The following SLC9A8 variants were observed in gnomAD, a reference collection of about 807,000 sequenced individuals.
The protein encoded by SLC9A8 is sodium/hydrogen exchanger 8.
Under a neutral mutation model 66.6 loss-of-function variants are expected in SLC9A8, and 48 were observed. The observed-to-expected ratio is 0.72, with a 90% CI of 0.57 to 0.92. The LOEUF is 0.92. SLC9A8 is among the 40% of genes least tolerant of loss of function. The pLI, the probability that SLC9A8 is intolerant of heterozygous loss-of-function variation, is 0.00. For synonymous variants in SLC9A8, 274 were observed against 282.6 expected, an observed-to-expected ratio of 0.97 and a Z score of 0.31; for missense variants, 599 against 747.3, an observed-to-expected ratio of 0.80 and a Z score of 2.31.
intron 13 of SLC9A8, among the ~76,000 whole-genome samples, 177 bp downstream of exon 13, chr20:49,881,212 G>A (rs569071967): frequency 2.5e-4 from 38 of 152,306 alleles, no homozygotes; most frequent in Admixed American, 1.8e-3. Flanking sequence ...CTATGAAGTG[G>A]GTGAGGCTTG....
In SLC9A8 at chr20:49,888,482, C is replaced by T. The variant is rs2089970758; in HGVS notation, c.*546C>T. On this transcript the variant is annotated 3_prime_UTR_variant, in exon 16 of 16. Transcript: ENST00000361573. Reference sequence around the variant, plus strand: ...TTTTGTGATACTTCCTGTGCTCCCTCAGAGAGAAACGGAGTGACCTTTTGT... The same window carrying T: ...TTTTGTGATACTTCCTGTGCTCCCTTAGAGAGAAACGGAGTGACCTTTTGT... 6.2e-6 allele frequency: 1 copy of T among 160,432 alleles called. No homozygotes were observed. Among genetic ancestry groups the T allele is most frequent in the Admixed American group, 5.8e-5 (1 of 17,198 alleles). The allele number at this position is 160,432 out of a possible 1,614,324, so 9.9% of individuals were successfully genotyped here. A position where few individuals can be genotyped will look rare whatever the true frequency, so the allele number is the denominator to read the frequency against.
chr20:49,872,129 C>G (rs1186625983), intron 10 of SLC9A8, among the ~76,000 whole-genome samples: 1 of 152,112 alleles, frequency 6.6e-6, no homozygotes, highest in Non-Finnish European at 1.5e-5. Context: ...CAAAGGAAAA[C>G]AACAACAAAA....
chr20:49,861,722 C>T (rs1306279847), intron 8 of SLC9A8, among the ~76,000 whole-genome samples: 1 of 152,150 alleles, frequency 6.6e-6, no homozygotes, highest in African/African-American at 2.4e-5. Context: ...GAGAATAACT[C>T]GATGTTCATG....
chr20:49,824,727 T>C (rs2086855333), intron 3 of SLC9A8, among the ~76,000 whole-genome samples: 1 of 152,170 alleles, frequency 6.6e-6, no homozygotes, highest in African/African-American at 2.4e-5. Flanking sequence ...CCCTTCTTCC[T>C]TGAAAATAGA....
At chr20:49,822,974 C>T (rs929041627) in intron 2 of SLC9A8, 87 bp from the exon 3 acceptor site, 4 of 1,107,312 alleles carry the variant, frequency 3.6e-6, no homozygotes, top group Non-Finnish European at 5.5e-6. Flanking sequence ...AGGACCCCCC[C>T]AGAAATAACC....
chr20:49,864,112 A>G (rs2088864297), intron 9 of SLC9A8, among the ~76,000 whole-genome samples: 4 of 152,156 alleles, frequency 2.6e-5, no homozygotes, highest in Admixed American at 6.5e-5. Flanking sequence ...AAGTGGAGCA[A>G]ATGGGTACTG....
chr20:49,829,393 C>T (rs1168509783), intron 3 of SLC9A8, among the ~76,000 whole-genome samples: 2 of 151,450 alleles, frequency 1.3e-5, no homozygotes, highest in Non-Finnish European at 2.9e-5. Context: ...GGCGTGGTGG[C>T]GGGCGTCTAG....
intron 3 of SLC9A8, among the ~76,000 whole-genome samples, chr20:49,838,218 G>T (rs1342098508): frequency 6.6e-6 from 1 of 152,180 alleles, no homozygotes; most frequent in Non-Finnish European, 1.5e-5. Context: ...AGTGGGGTAT[G>T]ATCTAAAGGG....
intron 12 of SLC9A8, 100 bp downstream of exon 12, chr20:49,878,163 C>G: frequency 1.6e-6 from 1 of 633,782 alleles, no homozygotes; most frequent in East Asian, 3.1e-5. Context: ...TGTTCAAAGT[C>G]AACAGCTACA....
Position 49,815,114 on chromosome 20 carries a change from G to A in SLC9A8, c.133G>A (p.Val45Met), listed in dbSNP as rs763423190. ...GACCCCTGGCAAGCCCATCCTCCCC[G>A]TGCAGACAGGGGAGCAGGCCCAGCA... is the stretch of plus-strand genomic sequence containing the variant. ...LPTPGKPILP[V>M]QTGEQAQQEE... Residue 45 changes from valine (V) to methionine (M), a missense_variant, in exon 2 of 16, where the codon GTG becomes ATG. Physicochemically the swap from Val to Met is conservative, Grantham distance 21. This residue lies in a region of SLC9A8 where 132 missense variants were observed against 120.9 expected (regional missense o/e 1.09). Transcript: ENST00000361573. The A allele has an allele frequency of 1.3e-5, 21 of 1,608,722 alleles. 1 individual carries two copies. The highest frequency in any genetic ancestry group is 6.8e-5 in the East Asian group (3 of 44,424).
intron 8 of SLC9A8, among the ~76,000 whole-genome samples, chr20:49,858,248 G>A (rs1246992138): frequency 6.6e-6 from 1 of 151,686 alleles, no homozygotes; most frequent in Middle Eastern, 3.2e-3. Context: ...TGTTTCTCTT[G>A]GCAGAAATTT....
At chr20:49,817,478 C>G (rs1459492874) in intron 2 of SLC9A8, among the ~76,000 whole-genome samples, 1 of 133,722 alleles carries the variant, frequency 7.5e-6, no homozygotes, top group Non-Finnish European at 1.6e-5. Context: ...TTTTATTTCT[C>G]TGATGTGTAT....
Position 49,849,575 on chromosome 20 carries a change from A to G in SLC9A8, c.433-4A>G. ...ATTTCCCTGATTTCTGCTCTTTCAAACAGGGTAACTTCTTTCAAAATATTG... is the reference window on the plus strand; with the variant it reads ...ATTTCCCTGATTTCTGCTCTTTCAAGCAGGGTAACTTCTTTCAAAATATTG... On this transcript the variant is annotated splice_polypyrimidine_tract_variant and splice_region_variant and intron_variant, in intron 5 of 15. Transcript: ENST00000361573. 6.2e-7 allele frequency: 1 copy of G among 1,609,238 alleles called. No homozygotes were observed.
At chr20:49,856,690 C>T (rs1468332074) in intron 8 of SLC9A8, among the ~76,000 whole-genome samples, 8 of 151,896 alleles carry the variant, frequency 5.3e-5, no homozygotes, top group African/African-American at 4.8e-5. Context: ...GGCTTGGTGG[C>T]GGGTGCCTGT....
chr20:49,887,714 A>AC lies in SLC9A8; in HGVS notation c.1639-112dup, dbSNP rs2089940823. ...GAAACTGAAGTTGCCTGTGGCCATC[A>AC]CCCTGCCTCCCACCTCCTCCCTAGA... On this transcript the variant is annotated intron_variant, in intron 15 of 15. Transcript: ENST00000361573. 4 of 726,630 alleles carry AC rather than the reference A, an allele frequency of 5.5e-6. No individual in the cohort carries two copies. The Admixed American group carries it at 1.1e-4, about 20-fold the overall frequency. The allele number at this position is 726,630 out of a possible 1,614,324, so 45.0% of individuals were successfully genotyped here.
chr20:49,866,405 TG>T (rs1450573149), intron 10 of SLC9A8, among the ~76,000 whole-genome samples: 1 of 152,234 alleles, frequency 6.6e-6, no homozygotes, highest in Non-Finnish European at 1.5e-5. Context: ...CTAGGTCATA[TG>T]GTAAGTACAT....
At chr20:49,874,327 A>G (rs2089338096) in intron 10 of SLC9A8, among the ~76,000 whole-genome samples, 1 of 152,124 alleles carries the variant, frequency 6.6e-6, no homozygotes, top group Non-Finnish European at 1.5e-5. Context: ...ACATCTGCCA[A>G]CCCTATCCCT....
intron 3 of SLC9A8, among the ~76,000 whole-genome samples, chr20:49,824,918 G>A (rs1044830295): frequency 5.9e-5 from 9 of 152,278 alleles, no homozygotes; most frequent in Non-Finnish European, 7.4e-5. Context: ...AAGGGGAAGC[G>A]TGATGAGGTA....
chr20:49,879,868 T>A (rs552941583), intron 12 of SLC9A8, among the ~76,000 whole-genome samples: 15 of 152,090 alleles, frequency 9.9e-5, no homozygotes, highest in Admixed American at 7.2e-4. Flanking sequence ...GAATGTACTG[T>A]ACATGTCTAT....
Sources: allele counts gnomAD v4.1 joint callset (sites outside exome capture counted in the v4.1 genomes callset), GRCh38; gene constraint gnomAD v4.1.1; regional missense constraint gnomAD v4.1.1; transcripts MANE v1.5; gene names NCBI Gene and HGNC (gene_info 2026-07-23, HGNC 2026-07-21).